CHRDL1: variants seen among roughly 807,000 people sequenced by gnomAD.
CHRDL1 encodes the protein chordin-like protein 1.
In CHRDL1, 19 loss-of-function variants were observed where a neutral mutation model predicts 40.9. The observed-to-expected ratio is 0.46, with a 90% confidence interval of 0.32 to 0.68. The LOEUF is 0.68. CHRDL1 is among the 30% of genes least tolerant of loss of function. CHRDL1 has a pLI of 0.03. For synonymous variants in CHRDL1, 136 were observed against 123.4 expected (o/e 1.10, Z -0.68); for missense variants, 329 against 352.1 (o/e 0.93, Z 0.53).
intron 4 of CHRDL1, among the ~76,000 whole-genome samples, chrX:110,751,837 G>C (rs73528247): frequency 0.025 from 2,762 of 111,539 alleles, 86 homozygotes; most frequent in African/African-American, 0.085. Flanking sequence ...TTTATCGCAG[G>C]ACCACACACA....
intron 2 of CHRDL1, among the ~76,000 whole-genome samples, chrX:110,783,834 A>G (rs1413205027): frequency 8.9e-6 from 1 of 112,200 alleles, no homozygotes; most frequent in Non-Finnish European, 1.9e-5. Flanking sequence ...TTTGCCAATC[A>G]TTACTGACTA....
intron 6 of CHRDL1, among the ~76,000 whole-genome samples, chrX:110,714,493 C>G (rs1237353718): frequency 9.0e-6 from 1 of 111,585 alleles, no homozygotes. Flanking sequence ...AACACAGGAT[C>G]TGAAGAGATT....
At chrX:110,709,581 T>C (rs944827393) in intron 6 of CHRDL1, among the ~76,000 whole-genome samples, 1 of 112,551 alleles carries the variant, frequency 8.9e-6, no homozygotes, top group Non-Finnish European at 1.9e-5. Flanking sequence ...TATTTCCAAT[T>C]TTTTAAAAAA....
chrX:110,753,782 C>CA (rs897756790), intron 4 of CHRDL1, among the ~76,000 whole-genome samples: 11 of 109,959 alleles, frequency 1.0e-4, no homozygotes, highest in African/African-American at 2.6e-4. Flanking sequence ...TGATTAAAGA[C>CA]AAAAAAAAGC....
intron 1 of CHRDL1, among the ~76,000 whole-genome samples, chrX:110,793,123 T>C (rs947529172): frequency 8.9e-6 from 1 of 112,370 alleles, no homozygotes; most frequent in Non-Finnish European, 1.9e-5. Flanking sequence ...TCTGAAAATA[T>C]TGAAATGTTC....
intron 6 of CHRDL1, among the ~76,000 whole-genome samples, chrX:110,703,500 G>A (rs1419192488): frequency 8.9e-6 from 1 of 111,791 alleles, no homozygotes. Context: ...ATGCCCAAGA[G>A]TCAGTTAACA....
chrX:110,692,340 G>A (rs1234973978), intron 8 of CHRDL1, among the ~76,000 whole-genome samples: 2 of 111,538 alleles, frequency 1.8e-5, no homozygotes, highest in African/African-American at 6.5e-5. Flanking sequence ...AGTTGGGGGT[G>A]GGGACAAGTG....
intron 6 of CHRDL1, among the ~76,000 whole-genome samples, chrX:110,704,921 A>C (rs1006481516): frequency 9.0e-6 from 1 of 111,721 alleles, no homozygotes; most frequent in Admixed American, 9.6e-5. Context: ...ATGTCCTTTT[A>C]AAATGTAGAT....
At position 110,697,777 on chromosome X, in the gene CHRDL1, C is replaced by G. The variant is rs149701448; in HGVS notation, c.609+2877G>C. Among the ~76,000 whole-genome samples the G allele has an allele frequency of 9.2e-3, 922 of 100,496 alleles. 21 individuals carry two copies. Among genetic ancestry groups the G allele is most frequent in the African/African-American group, 0.032 (877 of 27,488 alleles). The allele number at this position is 100,496 out of a possible 115,157, so 87.3% of individuals were successfully genotyped here. On this transcript the variant is annotated intron_variant, in intron 7 of 11. Transcript: ENST00000372042. The stretch of plus-strand genomic sequence containing the variant: ...TGCTTTCATGTTTTGGCTTTCTAGT[C>G]TGCACCTACTTCTTCCTCCCCACAT...
At chrX:110,689,091 T>A (rs1296745502) in intron 8 of CHRDL1, among the ~76,000 whole-genome samples, 17 of 85,493 alleles carry the variant, frequency 2.0e-4, no homozygotes, top group African/African-American at 7.4e-4. Context: ...TATATATATA[T>A]ATATATATAT....
chrX:110,679,526 G>A (rs1485750861), intron 10 of CHRDL1, 101 bp from the exon 11 acceptor site: 3 of 563,196 alleles, frequency 5.3e-6, no homozygotes, highest in Non-Finnish European at 9.2e-6. Context: ...TCATTACTAG[G>A]GCTTAAGAGT....
At chrX:110,689,959 CTATATATCTA>C (rs1202240590) in intron 8 of CHRDL1, among the ~76,000 whole-genome samples, 1 of 13,488 alleles carries the variant, frequency 7.4e-5, no homozygotes, top group African/African-American at 9.7e-4. Context: ...CTATATATAT[CTATATATCTA>C]TATATATCTA....
chrX:110,745,502 C>G (rs761224284), intron 4 of CHRDL1, among the ~76,000 whole-genome samples: 1 of 111,410 alleles, frequency 9.0e-6, no homozygotes, highest in East Asian at 2.8e-4. Context: ...TGCCTCTGCA[C>G]GTGCCCTCCC....
At chrX:110,732,361 G>A (rs1297983230) in intron 4 of CHRDL1, among the ~76,000 whole-genome samples, 2 of 111,276 alleles carry the variant, frequency 1.8e-5, no homozygotes, top group Non-Finnish European at 3.8e-5. Context: ...TCTACCCTTG[G>A]CCCAACCCCC....
chrX:110,764,419 T>C (rs1403586644), intron 2 of CHRDL1, among the ~76,000 whole-genome samples: 3 of 112,051 alleles, frequency 2.7e-5, no homozygotes, highest in Non-Finnish European at 5.6e-5. Context: ...CATTAACCAG[T>C]TCCCAAACAA....
chrX:110,786,574 C>T (rs762574111), intron 2 of CHRDL1, among the ~76,000 whole-genome samples: 3 of 111,809 alleles, frequency 2.7e-5, no homozygotes, highest in South Asian at 3.7e-4. Context: ...TCATAGAACA[C>T]GAATGATTCA....
chrX:110,690,340 G>A (rs1186818971), intron 8 of CHRDL1, among the ~76,000 whole-genome samples: 4 of 107,438 alleles, frequency 3.7e-5, no homozygotes, highest in African/African-American at 1.4e-4. Context: ...GAGCCACTGC[G>A]CCCAGCCACA....
chrX:110,786,247 A>C (rs914567253), intron 2 of CHRDL1, among the ~76,000 whole-genome samples: 1 of 112,420 alleles, frequency 8.9e-6, no homozygotes. Flanking sequence ...AATGTTAAAA[A>C]CATCTATTCC....
In CHRDL1 at chrX:110,712,621, C is replaced by A. The variant is rs922967960; in HGVS notation, c.541+7214G>T. The stretch of plus-strand genomic sequence containing the variant: ...GCTGGGCTCATGTCTGTAATCCCAG[C>A]ACTTTGGGAGGCCGAGGCAGGAGAA... On this transcript the variant is annotated intron_variant, in intron 6 of 11. Transcript: ENST00000372042. Among the ~76,000 whole-genome samples the A allele has an allele frequency of 2.7e-5, 3 of 110,564 alleles. No homozygotes were observed. In the Admixed American group the frequency reaches 2.9e-4, roughly 11 times the overall value.
Sources: allele counts gnomAD v4.1 joint callset (sites outside exome capture counted in the v4.1 genomes callset), GRCh38; gene constraint gnomAD v4.1.1; transcripts MANE v1.5; gene names NCBI Gene and HGNC (gene_info 2026-07-23, HGNC 2026-07-21).